KAT2B: variants seen among roughly 807,000 people sequenced by gnomAD.
KAT2B encodes histone acetyltransferase KAT2B.
Under a neutral mutation model 105.9 loss-of-function variants are expected in KAT2B, and 36 were observed. That is an observed-to-expected ratio of 0.34 (90% CI 0.26 to 0.45). The LOEUF is 0.45. Ranked by LOEUF, KAT2B falls within the 20% of genes least tolerant of loss-of-function variation. The pLI is 1.00. For synonymous variants in KAT2B, 397 were observed against 377.9 expected (o/e 1.05, Z -0.59); for missense variants, 820 against 1,021.6 (o/e 0.80, Z 2.69).
chr3:20,065,832 C>T (rs2125176633), intron 1 of KAT2B, among the ~76,000 whole-genome samples: 1 of 152,186 alleles, frequency 6.6e-6, no homozygotes, highest in Admixed American at 6.5e-5. Context: ...TGTTAGGGTC[C>T]ATAGTGAAGA....
At chr3:20,063,202 T>C (rs73179742) in intron 1 of KAT2B, among the ~76,000 whole-genome samples, 1,993 of 152,036 alleles carry the variant, frequency 0.013, 37 homozygotes, top group African/African-American at 0.045. Context: ...TGAGTGGCTG[T>C]GACTGCAGGC....
intron 1 of KAT2B, among the ~76,000 whole-genome samples, chr3:20,069,231 A>G (rs1221314531): frequency 1.3e-5 from 2 of 152,200 alleles, no homozygotes; most frequent in African/African-American, 4.8e-5. Context: ...AAGACTAGTA[A>G]ATTTTTAGAG....
chr3:20,071,603 G>T (rs140868981), intron 1 of KAT2B, among the ~76,000 whole-genome samples: 624 of 152,294 alleles, frequency 4.1e-3, no homozygotes, highest in African/African-American at 0.013. Flanking sequence ...CTTAAAGAAG[G>T]CTACATCATG....
At chr3:20,081,480 A>T (rs961826064) in intron 2 of KAT2B, among the ~76,000 whole-genome samples, 1 of 152,186 alleles carries the variant, frequency 6.6e-6, no homozygotes, top group Non-Finnish European at 1.5e-5. Flanking sequence ...GTGCCAAGGT[A>T]TACCCTTCTG....
intron 1 of KAT2B, among the ~76,000 whole-genome samples, chr3:20,068,276 G>T (rs868238955): frequency 6.6e-6 from 1 of 151,796 alleles, no homozygotes; most frequent in South Asian, 2.1e-4. Flanking sequence ...AATTATAGGT[G>T]TGAGCCACTG....
chr3:20,111,567 T>C (rs1204812972), intron 5 of KAT2B, 29 bp from the exon 6 acceptor site: 2 of 1,570,778 alleles, frequency 1.3e-6, no homozygotes, highest in East Asian at 2.3e-5. Flanking sequence ...TTATGGGATA[T>C]TGATGGTGCT....
chr3:20,153,297 G>T lies in KAT2B; in HGVS notation c.*772G>T, dbSNP rs1443048186. ...CTTATGCAGGCCATAAGTTCCAAAAGATAATTTCCCTGCCCACAAAGGCAT... is the reference window on the plus strand; with the variant it reads ...CTTATGCAGGCCATAAGTTCCAAAATATAATTTCCCTGCCCACAAAGGCAT... On this transcript the variant is annotated 3_prime_UTR_variant, in exon 18 of 18. Transcript: ENST00000263754. 3.3e-5 allele frequency: 5 copies of T among 152,130 alleles called. No homozygotes were observed. In the East Asian group the frequency reaches 9.6e-4, roughly 29 times the overall value. 9.4% of individuals were successfully genotyped at this position (152,130 alleles called of 1,614,324 possible).
intron 12 of KAT2B, chr3:20,137,437 G>A (rs1442119772): frequency 6.1e-6 from 1 of 163,718 alleles, no homozygotes; most frequent in African/African-American, 2.4e-5. Flanking sequence ...AGGAAATCCT[G>A]GAGTTTATAA....
chr3:20,098,160 G>A (rs1462395258), intron 3 of KAT2B, among the ~76,000 whole-genome samples: 2 of 151,710 alleles, frequency 1.3e-5, no homozygotes, highest in Non-Finnish European at 2.9e-5. Flanking sequence ...AGTCCGGGAT[G>A]CAGAGGTTGC....
chr3:20,120,968 A>G (rs549800789), intron 8 of KAT2B, among the ~76,000 whole-genome samples: 1 of 152,226 alleles, frequency 6.6e-6, no homozygotes, highest in East Asian at 1.9e-4. Flanking sequence ...GCTTGGATTC[A>G]GCCTCAGACT....
At chr3:20,128,496 G>T (rs200923352) in intron 11 of KAT2B, among the ~76,000 whole-genome samples, 2 of 146,830 alleles carry the variant, frequency 1.4e-5, no homozygotes, top group Non-Finnish European at 3.0e-5. Flanking sequence ...GTTTTGTTTT[G>T]TTTTTTTTTG....
chr3:20,041,190 C>T (rs1205102359), intron 1 of KAT2B, among the ~76,000 whole-genome samples: 4 of 152,076 alleles, frequency 2.6e-5, no homozygotes, highest in Non-Finnish European at 5.9e-5. Context: ...CTTCTGCAAT[C>T]GATCCCTTCC....
intron 2 of KAT2B, among the ~76,000 whole-genome samples, chr3:20,083,679 T>G (rs56337237): frequency 0.072 from 10,904 of 152,158 alleles, 561 homozygotes; most frequent in Middle Eastern, 0.23. Flanking sequence ...TTTATTATAG[T>G]AGGTTTGACA....
chr3:20,061,938 C>T (rs534937504), intron 1 of KAT2B, among the ~76,000 whole-genome samples: 4,313 of 100,158 alleles, frequency 0.043, 340 homozygotes, highest in Non-Finnish European at 0.062. Flanking sequence ...ATATATAAAA[C>T]ATAATATATA....
chr3:20,119,529 C>T (rs1359874937), intron 7 of KAT2B, 69 bp from the exon 8 acceptor site: 1 of 1,564,200 alleles, frequency 6.4e-7, no homozygotes, highest in Non-Finnish European at 8.8e-7. Context: ...GTCCCATGTG[C>T]ACTTCGTTTC....
chr3:20,092,023 C>T lies in KAT2B; in HGVS notation c.431-3240C>T, dbSNP rs562213463. ...TGTCCTAGAGAAAATTTCATGTGCA[C>T]TTGAGAAGAATGTGTATTCTACTCT... On this transcript the variant is annotated intron_variant, in intron 2 of 17. Transcript: ENST00000263754. 2.0e-5 allele frequency among the ~76,000 whole-genome samples: 3 copies of T among 152,186 alleles called. No homozygotes were observed. The East Asian group carries it at 5.8e-4, about 29-fold the overall frequency.
Position 20,146,356 on chromosome 3 carries a change from G to A in KAT2B, c.2045G>A (p.Arg682Gln), listed in dbSNP as rs200681006. The A allele has an allele frequency of 1.4e-5, 23 of 1,612,818 alleles. No homozygotes were observed. Among genetic ancestry groups the A allele is most frequent in the Middle Eastern group, 3.3e-4 (2 of 6,080 alleles). ...ATTGAAAGAAAACAGGCACAAATTC[G>A]AAAAGTTTACCCTGGACTTTCATGT... ...KLIERKQAQI[R>Q]KVYPGLSCFK... The change falls in exon 14 of 18, where the codon CGA (arginine) becomes CAA (glutamine). Residue 682 changes from arginine (R) to glutamine (Q), a missense_variant. Around this residue, in one of 6 missense-constraint regions of KAT2B, gnomAD observed 227 missense variants for 292.9 expected, o/e 0.77. Coordinates refer to ENST00000263754, the MANE Select transcript of KAT2B (RefSeq NM_003884.5).
intron 5 of KAT2B, among the ~76,000 whole-genome samples, chr3:20,110,343 G>A (rs1005146849): frequency 1.3e-5 from 2 of 151,854 alleles, no homozygotes; most frequent in Non-Finnish European, 2.9e-5. Context: ...TTGGGTCCTG[G>A]GAAATTCACA....
intron 8 of KAT2B, among the ~76,000 whole-genome samples, chr3:20,122,032 G>A (rs1047710508): frequency 1.3e-5 from 2 of 152,076 alleles, no homozygotes; most frequent in African/African-American, 4.8e-5. Flanking sequence ...GCCGGTGGGG[G>A]CGGGGTGGAA....
Sources: allele counts gnomAD v4.1 joint callset (sites outside exome capture counted in the v4.1 genomes callset), GRCh38; gene constraint gnomAD v4.1.1; regional missense constraint gnomAD v4.1.1; transcripts MANE v1.5; gene names NCBI Gene and HGNC (gene_info 2026-07-23, HGNC 2026-07-21).